The following HIP1 variants were observed in gnomAD, a reference collection of about 807,000 sequenced individuals.
HIP1 encodes the protein huntingtin-interacting protein 1.
A neutral mutation model predicts 147.6 loss-of-function variants in HIP1; 65 were observed. The ratio of observed to expected loss-of-function variants is 0.44; its 90% CI spans 0.36 to 0.54. The LOEUF (loss-of-function observed/expected upper bound fraction) is 0.54, where lower values mean the gene tolerates loss of function less well. Ranked by LOEUF, HIP1 falls within the 20% of genes least tolerant of loss-of-function variation. The probability of loss-of-function intolerance (pLI) is 0.00; values close to 1 mark genes in which losing one functional copy is unlikely to be tolerated. For missense variants in HIP1, 1,061 were observed against 1,299.6 expected (o/e 0.82, Z 2.82); for synonymous variants, 479 against 504.0 (o/e 0.95, Z 0.67).
intron 1 of HIP1, among the ~76,000 whole-genome samples, chr7:75,724,136 T>G (rs1353772699): frequency 6.6e-6 from 1 of 152,044 alleles, no homozygotes; most frequent in African/African-American, 2.4e-5. Flanking sequence ...TTCATATTTT[T>G]AGTAGAGACG....
Position 75,547,060 on chromosome 7 carries a change from CTG to C in HIP1, c.2466-30_2466-29del, listed in dbSNP as rs1436434657. 2.2e-5 allele frequency: 34 copies of C among 1,523,544 alleles called. No individual in the cohort carries two copies. In the Admixed American group the frequency reaches 6.6e-4, roughly 29 times the overall value. The allele number at this position is 1,523,544 out of a possible 1,614,324, so 94.4% of individuals were successfully genotyped here. The stretch of plus-strand genomic sequence containing the variant: ...GCCAAACAAACAAGTCGAGGATACA[CTG>C]AGATCAAGATCCAAGATCAATGAAC... On this transcript the variant is annotated intron_variant, in intron 24 of 30. Transcript: ENST00000336926.
At chr7:75,589,021 A>C (rs1554500076) in intron 4 of HIP1, among the ~76,000 whole-genome samples, 1 of 151,800 alleles carries the variant, frequency 6.6e-6, no homozygotes, top group East Asian at 1.9e-4. Context: ...GTGGTGGCAC[A>C]TGCCTGTAAT....
chr7:75,586,541 A>G (rs1432729716), intron 5 of HIP1, among the ~76,000 whole-genome samples: 1 of 152,108 alleles, frequency 6.6e-6, no homozygotes, highest in African/African-American at 2.4e-5. Flanking sequence ...CAAAGGGTGC[A>G]GAAGACACGG....
intron 1 of HIP1, among the ~76,000 whole-genome samples, chr7:75,736,064 TTA>T (rs782687745): frequency 2.1e-5 from 3 of 143,968 alleles, no homozygotes; most frequent in Non-Finnish European, 3.0e-5. Context: ...GACCTCCGTC[TTA>T]AAAAAAAAAA....
In HIP1 at chr7:75,534,516, C is replaced by G. The variant is rs933579828; in HGVS notation, c.*3656G>C. The stretch of plus-strand genomic sequence containing the variant: ...TGGTGCGATCTTGGCTCACTACAAC[C>G]TCTGTCCCCCGGGTTCAAGTGATTC... On this transcript the variant is annotated 3_prime_UTR_variant, in exon 31 of 31. Coordinates refer to ENST00000336926, the MANE Select transcript of HIP1 (RefSeq NM_005338.7). 8 of 177,884 alleles carry G rather than the reference C, an allele frequency of 4.5e-5. No individual in the cohort carries two copies. The highest frequency in any genetic ancestry group is 1.3e-4 in the Admixed American group (2 of 15,806). The allele number at this position is 177,884 out of a possible 1,614,324, so 11.0% of individuals were successfully genotyped here. A position where few individuals can be genotyped will look rare whatever the true frequency, so the allele number is the denominator to read the frequency against.
chr7:75,681,147 A>C (rs1800050941), intron 1 of HIP1, among the ~76,000 whole-genome samples: 1 of 151,814 alleles, frequency 6.6e-6, no homozygotes, highest in Non-Finnish European at 1.5e-5. Flanking sequence ...TCCTGACCTC[A>C]GGTGATCCGT....
At chr7:75,589,976 G>A (rs1282106986) in intron 4 of HIP1, among the ~76,000 whole-genome samples, 8 of 151,808 alleles carry the variant, frequency 5.3e-5, no homozygotes, top group Non-Finnish European at 1.2e-4. Flanking sequence ...CTCGTGATCC[G>A]CCCGCCTCGG....
chr7:75,631,140 A>AAAT (rs782116485), intron 1 of HIP1, among the ~76,000 whole-genome samples: 1 of 147,882 alleles, frequency 6.8e-6, no homozygotes, highest in African/African-American at 2.5e-5. Context: ...TGTTTTTTAA[A>AAAT]TTTTTTTTTT....
At position 75,545,181 on chromosome 7, in the gene HIP1, G is replaced by A. The variant is rs201436297; in HGVS notation, c.2567C>T (p.Ala856Val). The A allele has an allele frequency of 8.2e-6, 13 of 1,593,388 alleles. No individual in the cohort carries two copies. The Admixed American group carries it at 1.7e-4, about 21-fold the overall frequency. The change falls in exon 26 of 31, where the codon GCA becomes GTA. Residue 856 changes from alanine to valine, a missense_variant. Coordinates refer to ENST00000336926, the MANE Select transcript of HIP1 (RefSeq NM_005338.7). ...CTTGGCATAAAACTCTTTAGGGGAT[G>A]CTGTACCCTAGGGAAATAAAAAATA... ...REIVESGRGT[A>V]SPKEFYAKNS...
intron 2 of HIP1, among the ~76,000 whole-genome samples, chr7:75,593,184 G>A (rs146552805): frequency 6.6e-6 from 1 of 152,254 alleles, no homozygotes; most frequent in East Asian, 1.9e-4. Context: ...GCCCAGGCTG[G>A]TCTCAAGCTC....
At chr7:75,656,443 A>T (rs1799144752) in intron 1 of HIP1, among the ~76,000 whole-genome samples, 1 of 151,600 alleles carries the variant, frequency 6.6e-6, no homozygotes, top group South Asian at 2.1e-4. Flanking sequence ...GAAAAAAAAA[A>T]AAAAGAAAAT....
At chr7:75,703,085 C>G (rs1487294706) in intron 1 of HIP1, among the ~76,000 whole-genome samples, 1 of 152,206 alleles carries the variant, frequency 6.6e-6, no homozygotes, top group African/African-American at 2.4e-5. Flanking sequence ...TGAGGTGGCT[C>G]ACGCCTGTAA....
rs782017989 is a variant in HIP1, at chr7:75,536,229, G to A, written c.*1943C>T. 1 of 213,314 alleles carries A rather than the reference G, an allele frequency of 4.7e-6. No homozygotes were observed. Among genetic ancestry groups the A allele is most frequent in the Non-Finnish European group, 9.5e-6 (1 of 105,620 alleles). 13.2% of individuals were successfully genotyped at this position (213,314 alleles called of 1,614,324 possible). ...CAACATTAAGACTGCCCAATTTCTA[G>A]TGCTGATACTTCCTTAGCCCAGTAT... On this transcript the variant is annotated 3_prime_UTR_variant, in exon 31 of 31. Transcript: ENST00000336926.
At chr7:75,697,351 A>G (rs1266104954) in intron 1 of HIP1, among the ~76,000 whole-genome samples, 4 of 152,114 alleles carry the variant, frequency 2.6e-5, no homozygotes, top group Non-Finnish European at 4.4e-5. Flanking sequence ...GGATCTCTTG[A>G]GGCCAGGAAT....
intron 14 of HIP1, 132 bp from the exon 15 acceptor site, chr7:75,558,387 G>A (rs1795096956): frequency 4.2e-6 from 3 of 716,386 alleles, no homozygotes; most frequent in Non-Finnish European, 7.4e-6. Context: ...CCCAGGCTGG[G>A]GTGCAGTGGC....
intron 1 of HIP1, among the ~76,000 whole-genome samples, chr7:75,726,360 T>C (rs1200197644): frequency 6.6e-6 from 1 of 151,744 alleles, no homozygotes; most frequent in African/African-American, 2.4e-5. Flanking sequence ...CTTGGCTCAC[T>C]GTAACCTCTG....
intron 1 of HIP1, among the ~76,000 whole-genome samples, chr7:75,664,340 G>GTATATA: frequency 1.6e-5 from 1 of 63,750 alleles, no homozygotes; most frequent in African/African-American, 8.1e-5. Flanking sequence ...ATATATATGT[G>GTATATA]TGTATGTATA....
chr7:75,652,012 G>GA (rs35304169), intron 1 of HIP1, among the ~76,000 whole-genome samples: 11,976 of 134,190 alleles, frequency 0.089, 652 homozygotes, highest in African/African-American at 0.16. Flanking sequence ...CTGTCTCAAA[G>GA]AAAAAAAAAA....
chr7:75,688,266 G>A lies in HIP1; in HGVS notation c.120+50535C>T, dbSNP rs183205296. Among the ~76,000 whole-genome samples the A allele has an allele frequency of 2.1e-3, 320 of 152,272 alleles. 2 individuals carry two copies. The highest frequency in any genetic ancestry group is 7.4e-3 in the African/African-American group (308 of 41,556). ...GAAGCCACCAGGGGTTCCTCCCCTG[G>A]GGCAGGGCAGGAGCTTGCAGAGCTG... On this transcript the variant is annotated intron_variant, in intron 1 of 30. Transcript: ENST00000336926.
Sources: allele counts gnomAD v4.1 joint callset (sites outside exome capture counted in the v4.1 genomes callset), GRCh38; gene constraint gnomAD v4.1.1; transcripts MANE v1.5; gene names NCBI Gene and HGNC (gene_info 2026-07-23, HGNC 2026-07-21).